The following EXD3 variants were observed in gnomAD, a reference collection of about 807,000 sequenced individuals.
EXD3 encodes the protein exonuclease mut-7 homolog.
EXD3 carries 92 observed loss-of-function variants against 98.0 expected under a neutral mutation model. The observed-to-expected ratio is 0.94, with a 90% CI of 0.79 to 1.12. The LOEUF is 1.12. Ranked by LOEUF, EXD3 falls within the 50% of genes most tolerant of loss-of-function variation. EXD3 has a pLI of 0.00. For synonymous variants in EXD3, 569 were observed against 526.0 expected (o/e 1.08, Z -1.12); for missense variants, 1,222 against 1,191.6 (o/e 1.03, Z -0.38).
chr9:137,397,257 G>A lies in EXD3; in HGVS notation c.-47-1853C>T, dbSNP rs537747385. On this transcript the variant is annotated intron_variant, in intron 1 of 21. Coordinates refer to ENST00000340951, the MANE Select transcript of EXD3 (RefSeq NM_017820.5). Reference sequence around the variant, plus strand: ...GATCCAGACCAAGCCCACGAAAGCCGGAGGACAGATCCAGACCAAGCCCGT... The same window carrying A: ...GATCCAGACCAAGCCCACGAAAGCCAGAGGACAGATCCAGACCAAGCCCGT... 5.9e-5 allele frequency among the ~76,000 whole-genome samples: 9 copies of A among 152,290 alleles called. No homozygotes were observed. In the South Asian group the frequency reaches 1.0e-3, roughly 18 times the overall value.
At chr9:137,373,205 G>T in intron 4 of EXD3, 133 bp from the exon 5 acceptor site, 2 of 1,217,944 alleles carry the variant, frequency 1.6e-6, no homozygotes, top group South Asian at 1.5e-5. Flanking sequence ...TGGTCTGCAG[G>T]GCTGGGGCAC....
intron 5 of EXD3, among the ~76,000 whole-genome samples, chr9:137,372,203 C>G (rs1015465847): frequency 6.6e-6 from 1 of 152,224 alleles, no homozygotes; most frequent in Admixed American, 6.5e-5. Context: ...CCACCTCTCC[C>G]GCCAGCAGCC....
At chr9:137,358,919 T>C (rs1266167378) in intron 7 of EXD3, among the ~76,000 whole-genome samples, 6 of 150,412 alleles carry the variant, frequency 4.0e-5, no homozygotes, top group Middle Eastern at 3.6e-3. Flanking sequence ...CTCCTGGCCT[T>C]AAGCGATCCT....
At position 137,403,111 on chromosome 9, in the gene EXD3, C is replaced by T. The variant is rs1259237808; in HGVS notation, c.-47-7707G>A. Among the ~76,000 whole-genome samples, 2 of 151,918 alleles carry T rather than the reference C, an allele frequency of 1.3e-5. No individual in the cohort carries two copies. Among genetic ancestry groups the T allele is most frequent in the African/African-American group, 4.8e-5 (2 of 41,358 alleles). On this transcript the variant is annotated intron_variant, in intron 1 of 21. Coordinates refer to ENST00000340951, the MANE Select transcript of EXD3 (RefSeq NM_017820.5). The surrounding 1 kb of genome is among the most constrained non-coding windows in gnomAD (Gnocchi z 6.1). ...ACCCGCCACGGGAGACCCTGTGGCT[C>T]GGCTTGGCTCATTTCCTGCAGGATC... is the stretch of plus-strand genomic sequence containing the variant.
chr9:137,384,294 G>A (rs1044868507), intron 2 of EXD3, among the ~76,000 whole-genome samples: 14 of 152,218 alleles, frequency 9.2e-5, no homozygotes, highest in Admixed American at 3.9e-4. Context: ...CGTGTGTGAC[G>A]GGGGTCACCC....
rs373425377 is a variant in EXD3, at chr9:137,351,380, C to A, written c.1322G>T (p.Gly441Val). The change falls in exon 13 of 22, where the codon GGA becomes GTA. Residue 441 changes from glycine (G) to valine (V), a missense_variant. Transcript: ENST00000340951. Reference sequence around the variant, plus strand: ...CACCAGCCGGGAAAAGGCCTGGGCTCCCTGCCCTGTTGGTGGCTGCGAGAG... The same window carrying A: ...CACCAGCCGGGAAAAGGCCTGGGCTACCTGCCCTGTTGGTGGCTGCGAGAG... ...LALSQPPTGQ[G>V]AQAFSRLVAQ... 5.8e-5 allele frequency: 93 copies of A among 1,611,218 alleles called. No individual in the cohort carries two copies. Among genetic ancestry groups the A allele is most frequent in the Non-Finnish European group, 7.7e-5 (91 of 1,179,458 alleles).
chr9:137,410,469 A>G (rs1837939131), intron 1 of EXD3, among the ~76,000 whole-genome samples: 1 of 148,830 alleles, frequency 6.7e-6, no homozygotes, highest in Non-Finnish European at 1.5e-5. Flanking sequence ...TGGGCGACAG[A>G]GCGAAACTCT....
intron 7 of EXD3, 66 bp downstream of exon 7, chr9:137,366,427 C>A: frequency 1.3e-6 from 2 of 1,529,664 alleles, no homozygotes; most frequent in Non-Finnish European, 1.8e-6. Context: ...CCCCTACACT[C>A]CCTTCCCTAA....
chr9:137,316,222 A>G (rs1279705194), intron 19 of EXD3, among the ~76,000 whole-genome samples: 5 of 151,510 alleles, frequency 3.3e-5, no homozygotes, highest in African/African-American at 1.2e-4. Flanking sequence ...CGCGCCTGGG[A>G]ACGGCCCCCG....
At position 137,395,319 on chromosome 9, in the gene EXD3, G is replaced by GCCAGCGGCAGGGTCA; in HGVS notation, c.24_38dup (p.Asp9_Gly13dup). 6.2e-7 allele frequency: 1 copy of GCCAGCGGCAGGGTCA among 1,613,356 alleles called. No individual in the cohort carries two copies. The highest frequency in any genetic ancestry group is 8.5e-7 in the Non-Finnish European group (1 of 1,179,766). On this transcript the variant is annotated inframe_insertion, in exon 2 of 22. Coordinates refer to ENST00000340951, the MANE Select transcript of EXD3 (RefSeq NM_017820.5). This position sits in a 1 kb window ranked among gnomAD's most constrained non-coding sequence, Gnocchi z 6.5. ...CAGACTCACCCATGCGGTGGCGCTC[G>GCCAGCGGCAGGGTCA]CCAGCGGCAGGGTCACCAGCGGGAT...
chr9:137,356,938 G>A (rs142261348), intron 7 of EXD3, among the ~76,000 whole-genome samples: 393 of 152,282 alleles, frequency 2.6e-3, no homozygotes, highest in African/African-American at 8.0e-3. Flanking sequence ...AAGCACAGCC[G>A]CTGGGTGTTT....
intron 2 of EXD3, among the ~76,000 whole-genome samples, chr9:137,388,765 A>G (rs544374174): frequency 6.6e-6 from 1 of 152,228 alleles, no homozygotes; most frequent in East Asian, 1.9e-4. Context: ...CAAAGCTCAC[A>G]GCCCGTCTCC....
In EXD3 at chr9:137,331,158, C is replaced by T. The variant is rs770716189; in HGVS notation, c.1999-7015G>A. On this transcript the variant is annotated intron_variant, in intron 17 of 21. Transcript: ENST00000340951. The stretch of plus-strand genomic sequence containing the variant: ...AACAGAATTAAAAACAAAAACTACA[C>T]GATCATCTCAGTAGATGCATACAAA... Among the ~76,000 whole-genome samples the T allele has an allele frequency of 3.3e-5, 5 of 152,136 alleles. No homozygotes were observed. The East Asian group carries it at 5.8e-4, about 18-fold the overall frequency.
chr9:137,370,952 G>A (rs369307793), intron 5 of EXD3, among the ~76,000 whole-genome samples: 6 of 152,236 alleles, frequency 3.9e-5, no homozygotes, highest in Admixed American at 6.5e-5. Flanking sequence ...TGAGTCGTGA[G>A]TCCCAGCTAA....
chr9:137,339,322 TTA>T (rs1456675768), intron 17 of EXD3, among the ~76,000 whole-genome samples: 2 of 151,336 alleles, frequency 1.3e-5, no homozygotes, highest in Non-Finnish European at 2.9e-5. Context: ...GAAAGGAAAA[TTA>T]TATGTCAGAT....
At chr9:137,365,187 A>G (rs1210778369) in intron 7 of EXD3, 1 of 151,992 alleles carries the variant, frequency 6.6e-6, no homozygotes, top group Non-Finnish European at 1.5e-5. Flanking sequence ...AGTCTTAGCA[A>G]GCTTTGAGTC....
intron 19 of EXD3, among the ~76,000 whole-genome samples, chr9:137,315,160 C>A (rs1288291202): frequency 6.6e-6 from 1 of 152,218 alleles, no homozygotes; most frequent in African/African-American, 2.4e-5. Context: ...CAGTGGGTCA[C>A]CATGCGACAC....
At chr9:137,375,016 G>GTT (rs137895950) in intron 3 of EXD3, 35 of 265,142 alleles carry the variant, frequency 1.3e-4, no homozygotes, top group Non-Finnish European at 1.7e-4. Flanking sequence ...CCCTAGTTTT[G>GTT]TTTTTTTTTT....
In EXD3 at chr9:137,393,684, T is replaced by G. The variant is rs1837058571; in HGVS notation, c.55+1619A>C. Among the ~76,000 whole-genome samples the G allele has an allele frequency of 6.6e-6, 1 of 152,140 alleles. No homozygotes were observed. Among genetic ancestry groups the G allele is most frequent in the Admixed American group, 6.5e-5 (1 of 15,278 alleles). On this transcript the variant is annotated intron_variant, in intron 2 of 21. Transcript: ENST00000340951. This position sits in a 1 kb window ranked among gnomAD's most constrained non-coding sequence, Gnocchi z 4.6. The stretch of plus-strand genomic sequence containing the variant: ...AGGCAACTGCGTGGGATAGGGAAAC[T>G]GAGGCAGAGAGCCTCAGCTGCTGCC...
Sources: gnomAD v4.1 joint callset for allele counts (sites outside exome capture counted in the v4.1 genomes callset) on GRCh38, gnomAD v4.1.1 for gene constraint, Gnocchi (gnomAD v3.1) non-coding constraint, MANE v1.5 for transcripts, NCBI Gene and HGNC (gene_info 2026-07-23, HGNC 2026-07-21) for gene names.